EIF3J: variants seen among roughly 807,000 people sequenced by gnomAD.
EIF3J encodes the protein eukaryotic translation initiation factor 3 subunit J.
Under a neutral mutation model 39.0 loss-of-function variants are expected in EIF3J, and 15 were observed. The observed-to-expected ratio is 0.38, with a 90% CI of 0.26 to 0.59. The LOEUF (loss-of-function observed/expected upper bound fraction) is 0.59, where lower values mean the gene tolerates loss of function less well. Ranked by LOEUF, EIF3J falls within the 20% of genes least tolerant of loss-of-function variation. EIF3J has a pLI of 0.60. For missense variants in EIF3J, 226 were observed against 308.6 expected, an observed-to-expected ratio of 0.73 and a Z score of 2.00; for synonymous variants, 98 against 112.9, an observed-to-expected ratio of 0.87 and a Z score of 0.84.
chr15:44,539,423 T>C (rs1334238032), intron 2 of EIF3J, among the ~76,000 whole-genome samples: 1 of 152,086 alleles, frequency 6.6e-6, no homozygotes, highest in Non-Finnish European at 1.5e-5. Context: ...TCTTTTTTTT[T>C]TGGAAATGGA....
At chr15:44,537,263 C>T in intron 1 of EIF3J, 26 bp downstream of exon 1, 1 of 1,573,614 alleles carries the variant, frequency 6.4e-7, no homozygotes, top group South Asian at 1.1e-5. Context: ...TGGGGCAGGG[C>T]CCGGGCCGGC....
At chr15:44,552,780 A>C (rs2082111189) in intron 4 of EIF3J, among the ~76,000 whole-genome samples, 1 of 152,152 alleles carries the variant, frequency 6.6e-6, no homozygotes, top group Admixed American at 6.5e-5. Flanking sequence ...GGTTGGTCTC[A>C]AACTCCTGAC....
At chr15:44,539,847 G>A (rs551257559) in intron 2 of EIF3J, among the ~76,000 whole-genome samples, 16 of 149,174 alleles carry the variant, frequency 1.1e-4, no homozygotes, top group African/African-American at 3.5e-4. Flanking sequence ...TGCAACCTCC[G>A]CCTCCCGGAT....
intron 6 of EIF3J, chr15:44,558,698 C>A (rs1253530688): frequency 6.6e-6 from 1 of 152,096 alleles, no homozygotes; most frequent in Non-Finnish European, 1.5e-5. Context: ...CCTTGGCCTC[C>A]CAAAGTACTG....
chr15:44,550,817 T>TA, intron 2 of EIF3J, 59 bp from the exon 3 acceptor site: 1 of 1,205,416 alleles, frequency 8.3e-7, no homozygotes, highest in Non-Finnish European at 1.2e-6. Flanking sequence ...AAGTTGATAA[T>TA]AAAGTTCACA....
chr15:44,543,083 C>T (rs965378975), intron 2 of EIF3J, among the ~76,000 whole-genome samples: 2 of 152,178 alleles, frequency 1.3e-5, no homozygotes, highest in African/African-American at 4.8e-5. Context: ...AAAAATTGGG[C>T]ATATTTTTTG....
intron 7 of EIF3J, chr15:44,560,645 G>GCAGAGTA: frequency 2.9e-6 from 1 of 345,158 alleles, no homozygotes; most frequent in Non-Finnish European, 5.3e-6. Flanking sequence ...TACTCACTTT[G>GCAGAGTA]CAGAGTATTT....
chr15:44,553,142 C>T (rs549805398), intron 4 of EIF3J, among the ~76,000 whole-genome samples: 6 of 151,044 alleles, frequency 4.0e-5, no homozygotes, highest in African/African-American at 1.2e-4. Context: ...GCCATGACTG[C>T]GCCACTACAC....
chr15:44,557,378 C>G (rs776512063), intron 5 of EIF3J, 111 bp from the exon 6 acceptor site: 3 of 782,148 alleles, frequency 3.8e-6, no homozygotes, highest in Non-Finnish European at 5.4e-6. Flanking sequence ...TTCAGAGCCC[C>G]TGCTTTAGAA....
intron 6 of EIF3J, among the ~76,000 whole-genome samples, chr15:44,558,197 G>C (rs2082160500): frequency 6.6e-6 from 1 of 152,138 alleles, no homozygotes; most frequent in Non-Finnish European, 1.5e-5. Context: ...ATGTATGGAA[G>C]GGACTGGTTT....
chr15:44,546,507 T>A (rs886288887), intron 2 of EIF3J, among the ~76,000 whole-genome samples: 1 of 152,200 alleles, frequency 6.6e-6, no homozygotes, highest in Admixed American at 6.5e-5. Context: ...AACCAGAAGC[T>A]TGGTGTCATA....
At chr15:44,548,288 A>G (rs951712607) in intron 2 of EIF3J, among the ~76,000 whole-genome samples, 5 of 152,102 alleles carry the variant, frequency 3.3e-5, no homozygotes, top group African/African-American at 4.8e-5. Context: ...GATGGTGGAC[A>G]CCTGTAATCC....
intron 2 of EIF3J, among the ~76,000 whole-genome samples, chr15:44,538,376 A>G (rs750570145): frequency 3.6e-4 from 55 of 151,570 alleles, no homozygotes; most frequent in Middle Eastern, 3.4e-3. Flanking sequence ...ATCTTGTTAT[A>G]TTTGTGCAGA....
rs1184442681 is a variant in EIF3J at position 44,562,056 on chromosome 15, T to G, written c.*907T>G. On this transcript the variant is annotated 3_prime_UTR_variant, in exon 8 of 8. Coordinates refer to ENST00000261868, the MANE Select transcript of EIF3J (RefSeq NM_003758.4). ...CATCTGCAATGTTTTATAAAGCAAC[T>G]AATTTAATAAAATCACTGTTGTGAG... The G allele has an allele frequency of 6.5e-6, 1 of 152,684 alleles. No individual in the cohort carries two copies. The highest frequency in any genetic ancestry group is 1.5e-5 in the Non-Finnish European group (1 of 68,040). The allele number at this position is 152,684 out of a possible 1,614,324, so 9.5% of individuals were successfully genotyped here.
intron 2 of EIF3J, among the ~76,000 whole-genome samples, chr15:44,547,549 A>C (rs2082065021): frequency 6.8e-6 from 1 of 147,932 alleles, no homozygotes; most frequent in African/African-American, 2.5e-5. Flanking sequence ...TCCTGGGTTC[A>C]AGTGATTCTC....
intron 6 of EIF3J, among the ~76,000 whole-genome samples, chr15:44,558,535 A>G (rs2082163818): frequency 6.6e-6 from 1 of 152,020 alleles, no homozygotes; most frequent in South Asian, 2.1e-4. Context: ...TCTCAAAAAA[A>G]AAAAAGCAAT....
chr15:44,562,796 A>G lies in EIF3J; in HGVS notation c.*1647A>G, dbSNP rs1426863788. Reference sequence around the variant, plus strand: ...GTAAATAATAATTAAATTTCTTTGAAACTGGAATCTGCAGGTACAGGTATT... The same window carrying G: ...GTAAATAATAATTAAATTTCTTTGAGACTGGAATCTGCAGGTACAGGTATT... On this transcript the variant is annotated 3_prime_UTR_variant, in exon 8 of 8. Coordinates refer to ENST00000261868, the MANE Select transcript of EIF3J (RefSeq NM_003758.4). 3 of 248,598 alleles carry G rather than the reference A, an allele frequency of 1.2e-5. No individual in the cohort carries two copies. The highest frequency in any genetic ancestry group is 2.4e-5 in the Non-Finnish European group (3 of 127,100). The allele number at this position is 248,598 out of a possible 1,614,324, so 15.4% of individuals were successfully genotyped here. A position where few individuals can be genotyped will look rare whatever the true frequency, so the allele number is the denominator to read the frequency against.
chr15:44,556,018 G>A (rs898990980), intron 5 of EIF3J, among the ~76,000 whole-genome samples: 29 of 152,042 alleles, frequency 1.9e-4, no homozygotes, highest in African/African-American at 6.7e-4. Context: ...CACCACGCCT[G>A]GGTAATTTTT....
chr15:44,547,446 T>A (rs2082063662), intron 2 of EIF3J, among the ~76,000 whole-genome samples: 1 of 141,932 alleles, frequency 7.0e-6, no homozygotes, highest in Non-Finnish European at 1.5e-5. Context: ...GATTCTTTTT[T>A]TTTTTTTTTT....
Sources: allele counts gnomAD v4.1 joint callset (sites outside exome capture counted in the v4.1 genomes callset), GRCh38; gene constraint gnomAD v4.1.1; transcripts MANE v1.5; gene names NCBI Gene and HGNC (gene_info 2026-07-23, HGNC 2026-07-21).